The following LHFPL3 variants were observed in gnomAD, a reference collection of about 807,000 sequenced individuals.
LHFPL3 encodes LHFPL tetraspan subfamily member 3, also known as LHFPL tetraspan subfamily member 3 protein.
In LHFPL3, 5 loss-of-function variants were observed where a neutral mutation model predicts 19.3. The observed-to-expected ratio is 0.26, with a 90% CI of 0.14 to 0.54. The LOEUF is 0.54. Ranked by LOEUF, LHFPL3 falls within the 20% of genes least tolerant of loss-of-function variation. The pLI, the probability that LHFPL3 is intolerant of heterozygous loss-of-function variation, is 0.94. For missense variants in LHFPL3, 249 were observed against 307.4 expected (o/e 0.81, Z 1.42); for synonymous variants, 133 against 126.2 (o/e 1.05, Z -0.36).
Position 104,399,061 on chromosome 7 carries a change from C to T in LHFPL3, c.445+69837C>T, listed in dbSNP as rs564639588. ...ACAGGCTTTATGGTTGGAGGGCAAA[C>T]GCTAGTTTCCAGAAAGTTCCTGTGT... On this transcript the variant is annotated intron_variant, in intron 1 of 2. Transcript: ENST00000424859. This position sits in a 1 kb window ranked among gnomAD's most constrained non-coding sequence, Gnocchi z 4.4. 8.5e-5 allele frequency among the ~76,000 whole-genome samples: 13 copies of T among 152,078 alleles called. No individual in the cohort carries two copies. Among genetic ancestry groups the T allele is most frequent in the South Asian group, 2.1e-4 (1 of 4,830 alleles).
chr7:104,545,015 G>C (rs1447817922), intron 1 of LHFPL3, among the ~76,000 whole-genome samples: 2 of 152,154 alleles, frequency 1.3e-5, no homozygotes, highest in Non-Finnish European at 2.9e-5. Flanking sequence ...ATGGGTACTT[G>C]CACATCTCGT....
At chr7:104,845,017 G>A (rs1217125862) in intron 2 of LHFPL3, among the ~76,000 whole-genome samples, 1 of 152,250 alleles carries the variant, frequency 6.6e-6, no homozygotes, top group Non-Finnish European at 1.5e-5. Flanking sequence ...TGGGATTACA[G>A]GCGTAAGCCA....
chr7:104,795,287 C>T (rs1790101586), intron 2 of LHFPL3, among the ~76,000 whole-genome samples: 2 of 152,206 alleles, frequency 1.3e-5, no homozygotes, highest in South Asian at 2.1e-4. Flanking sequence ...ACACAAGATC[C>T]TAATTACCAT....
At chr7:104,864,098 A>G (rs1791669162) in intron 2 of LHFPL3, among the ~76,000 whole-genome samples, 2 of 152,256 alleles carry the variant, frequency 1.3e-5, no homozygotes, top group African/African-American at 4.8e-5. Context: ...TTCAACAAAT[A>G]AACAGAGCCC....
At chr7:104,584,186 T>C (rs899800021) in intron 1 of LHFPL3, among the ~76,000 whole-genome samples, 2 of 152,076 alleles carry the variant, frequency 1.3e-5, no homozygotes, top group Admixed American at 1.3e-4. Flanking sequence ...GAAACCAGCA[T>C]TCTCAGCAAC....
chr7:104,437,383 G>A (rs1792130208), intron 1 of LHFPL3, among the ~76,000 whole-genome samples: 1 of 152,144 alleles, frequency 6.6e-6, no homozygotes. Context: ...TACAAGATGT[G>A]TGAGTTTTCC....
chr7:104,342,313 T>G (rs1789973833), intron 1 of LHFPL3, among the ~76,000 whole-genome samples: 1 of 152,126 alleles, frequency 6.6e-6, no homozygotes, highest in Non-Finnish European at 1.5e-5. Flanking sequence ...ATTTAAAAAG[T>G]AGGGTTGGAA....
intron 2 of LHFPL3, among the ~76,000 whole-genome samples, chr7:104,753,672 A>G (rs1794220782): frequency 6.6e-6 from 1 of 152,166 alleles, no homozygotes; most frequent in African/African-American, 2.4e-5. Flanking sequence ...CAATGTATCT[A>G]GAATAAGCAA....
At chr7:104,481,722 G>A (rs1195059379) in intron 1 of LHFPL3, among the ~76,000 whole-genome samples, 1 of 151,820 alleles carries the variant, frequency 6.6e-6, no homozygotes, top group African/African-American at 2.4e-5. Context: ...TAGTCAAAAG[G>A]GTATTTTATT....
chr7:104,893,994 A>G (rs1310717273), intron 2 of LHFPL3, among the ~76,000 whole-genome samples: 1 of 152,036 alleles, frequency 6.6e-6, no homozygotes, highest in Non-Finnish European at 1.5e-5. Context: ...TAAGCACACA[A>G]CCTGGTATTA....
intron 1 of LHFPL3, among the ~76,000 whole-genome samples, chr7:104,437,992 G>T (rs561481057): frequency 6.6e-6 from 1 of 152,268 alleles, no homozygotes; most frequent in East Asian, 1.9e-4. Context: ...CCACCATACA[G>T]GAGTCCATTA....
At chr7:104,800,990 A>C (rs1790234190) in intron 2 of LHFPL3, among the ~76,000 whole-genome samples, 1 of 152,182 alleles carries the variant, frequency 6.6e-6, no homozygotes, top group African/African-American at 2.4e-5. Context: ...ATTAGAAAAA[A>C]TGAGGGAGGT....
chr7:104,544,920 T>C (rs1242574602), intron 1 of LHFPL3, among the ~76,000 whole-genome samples: 3 of 152,168 alleles, frequency 2.0e-5, no homozygotes, highest in Non-Finnish European at 2.9e-5. Flanking sequence ...TTAAGAACAA[T>C]GTCATTTGAG....
At chr7:104,752,988 G>T (rs559250724) in intron 2 of LHFPL3, among the ~76,000 whole-genome samples, 110 of 152,182 alleles carry the variant, frequency 7.2e-4, no homozygotes, top group African/African-American at 2.5e-3. Flanking sequence ...AAATATTAGG[G>T]GTCACTCTTT....
At position 104,399,711 on chromosome 7, in the gene LHFPL3, C is replaced by T. The variant is rs1446552280; in HGVS notation, c.445+70487C>T. ...CTGGTCTTGAACTCCCAACCTCGTG[C>T]TCCGCCCACCTCGGCCTCCCAAAGT... On this transcript the variant is annotated intron_variant, in intron 1 of 2. Transcript: ENST00000424859. This position sits in a 1 kb window ranked among gnomAD's most constrained non-coding sequence, Gnocchi z 4.4. 5.3e-5 allele frequency among the ~76,000 whole-genome samples: 8 copies of T among 149,742 alleles called. No individual in the cohort carries two copies. Among genetic ancestry groups the T allele is most frequent in the African/African-American group, 2.0e-4 (8 of 40,610 alleles).
chr7:104,667,164 T>A (rs938100997), intron 1 of LHFPL3, among the ~76,000 whole-genome samples: 27 of 152,306 alleles, frequency 1.8e-4, no homozygotes, highest in Non-Finnish European at 3.1e-4. Context: ...GGTTTTTTTT[T>A]CTTTTTAATA....
chr7:104,486,642 G>A (rs1793242543), intron 1 of LHFPL3, among the ~76,000 whole-genome samples: 2 of 152,332 alleles, frequency 1.3e-5, no homozygotes, highest in East Asian at 1.9e-4. Context: ...GAGAAGGGGT[G>A]CAGATGTAAA....
At chr7:104,386,647 G>A (rs538445133) in intron 1 of LHFPL3, among the ~76,000 whole-genome samples, 2 of 152,334 alleles carry the variant, frequency 1.3e-5, no homozygotes, top group South Asian at 4.1e-4. Flanking sequence ...AGGCAGAATT[G>A]TAAACTGTGG....
chr7:104,535,986 G>A (rs1322155861), intron 1 of LHFPL3, among the ~76,000 whole-genome samples: 1 of 152,180 alleles, frequency 6.6e-6, no homozygotes, highest in African/African-American at 2.4e-5. Context: ...TCTCCCATCT[G>A]GAGTGTGCCA....
Sources: gnomAD v4.1 joint callset for allele counts (sites outside exome capture counted in the v4.1 genomes callset) on GRCh38, gnomAD v4.1.1 for gene constraint, Gnocchi (gnomAD v3.1) non-coding constraint, MANE v1.5 for transcripts, NCBI Gene and HGNC (gene_info 2026-07-23, HGNC 2026-07-21) for gene names.